Variants in MAD1L1 observed in about 807,000 individuals in gnomAD.
The protein encoded by MAD1L1 is mitotic spindle assembly checkpoint protein MAD1.
A neutral mutation model predicts 96.9 loss-of-function variants in MAD1L1; 95 were observed. The observed-to-expected ratio is 0.98, with a 90% confidence interval of 0.83 to 1.16. The LOEUF (loss-of-function observed/expected upper bound fraction) is 1.16. Among genes scored for constraint, MAD1L1 ranks in the 50% most tolerant of loss-of-function variants. The pLI, the probability that MAD1L1 is intolerant of heterozygous loss-of-function variation, is 0.00. For synonymous variants in MAD1L1, 473 were observed against 396.6 expected (o/e 1.19, Z -2.29); for missense variants, 1,007 against 954.4 (o/e 1.06, Z -0.73).
intron 9 of MAD1L1, among the ~76,000 whole-genome samples, chr7:2,214,185 G>A (rs577832037): frequency 6.6e-6 from 1 of 152,226 alleles, no homozygotes; most frequent in Non-Finnish European, 1.5e-5. Flanking sequence ...GACAGACAGG[G>A]AGATGAAGGA....
chr7:2,150,875 A>C (rs1040007466), intron 10 of MAD1L1, among the ~76,000 whole-genome samples: 4 of 152,226 alleles, frequency 2.6e-5, no homozygotes, highest in African/African-American at 9.6e-5. Context: ...CTGAACATCT[A>C]GTGGGGACAG....
chr7:1,871,836 G>A (rs534406599), intron 18 of MAD1L1, among the ~76,000 whole-genome samples: 13 of 152,288 alleles, frequency 8.5e-5, no homozygotes, highest in African/African-American at 2.4e-4. Context: ...CCAGCAGCTC[G>A]GAGCCCCAGA....
chr7:1,858,931 C>G (rs1029885086), intron 18 of MAD1L1, among the ~76,000 whole-genome samples: 4 of 152,240 alleles, frequency 2.6e-5, no homozygotes, highest in African/African-American at 9.6e-5. Flanking sequence ...TGCAACCCAC[C>G]TGGACCACCA....
intron 18 of MAD1L1, among the ~76,000 whole-genome samples, chr7:1,821,991 AATCAC>A: frequency 6.6e-6 from 1 of 152,254 alleles, no homozygotes; most frequent in South Asian, 2.1e-4. Flanking sequence ...CCTACTCGGA[AATCAC>A]ATGACGGCAC....
intron 13 of MAD1L1, among the ~76,000 whole-genome samples, chr7:2,006,696 C>T (rs773276937): frequency 3.3e-5 from 5 of 152,004 alleles, no homozygotes; most frequent in Admixed American, 1.3e-4. Context: ...TCACTAAACC[C>T]GCACGGCCCA....
intron 12 of MAD1L1, among the ~76,000 whole-genome samples, chr7:2,021,918 G>A (rs190311966): frequency 1.3e-3 from 194 of 152,212 alleles, no homozygotes; most frequent in African/African-American, 4.0e-3. Flanking sequence ...GAAAGACAGA[G>A]CAGAGAAGTA....
chr7:2,070,392 AG>A (rs1163744978), intron 11 of MAD1L1, among the ~76,000 whole-genome samples: 1 of 152,138 alleles, frequency 6.6e-6, no homozygotes, highest in African/African-American at 2.4e-5. Flanking sequence ...CACATGGGAC[AG>A]CCGGGCACAC....
At chr7:2,061,252 G>A (rs539452653) in intron 12 of MAD1L1, among the ~76,000 whole-genome samples, 3 of 152,222 alleles carry the variant, frequency 2.0e-5, no homozygotes, top group Non-Finnish European at 2.9e-5. Context: ...CAGGAGAATT[G>A]CTTGAACCCG....
intron 18 of MAD1L1, among the ~76,000 whole-genome samples, chr7:1,824,108 G>T (rs1782267403): frequency 6.6e-6 from 1 of 152,124 alleles, no homozygotes; most frequent in African/African-American, 2.4e-5. Context: ...CAGGAAAATG[G>T]CAGGTAGTCA....
intron 2 of MAD1L1, 124 bp downstream of exon 2, chr7:2,230,425 C>T (rs1794135928): frequency 2.9e-6 from 1 of 341,680 alleles, no homozygotes; most frequent in South Asian, 3.2e-5. Context: ...GCCCGGGAGG[C>T]GGGGCTCAGC....
chr7:2,145,567 G>A (rs1789255374), intron 11 of MAD1L1, among the ~76,000 whole-genome samples: 1 of 152,248 alleles, frequency 6.6e-6, no homozygotes, highest in African/African-American at 2.4e-5. Flanking sequence ...CTCCAGGCTG[G>A]TTGGTGGCCC....
At chr7:2,068,923 T>G (rs1785001315) in intron 12 of MAD1L1, among the ~76,000 whole-genome samples, 1 of 152,006 alleles carries the variant, frequency 6.6e-6, no homozygotes, top group Admixed American at 6.6e-5. Context: ...GGGAACCCTC[T>G]CCAGAGCTCA....
chr7:2,060,106 C>A (rs568978569), intron 12 of MAD1L1, among the ~76,000 whole-genome samples: 1 of 151,168 alleles, frequency 6.6e-6, no homozygotes, highest in East Asian at 2.0e-4. Context: ...TGCCGAGATA[C>A]GCCGAAGCCA....
chr7:2,062,760 G>A lies in MAD1L1; in HGVS notation c.1218+6434C>T, dbSNP rs140838718. Among the ~76,000 whole-genome samples, 627 of 152,230 alleles carry A rather than the reference G, an allele frequency of 4.1e-3. 5 individuals are homozygous for A. Among genetic ancestry groups the A allele is most frequent in the African/African-American group, 0.014 (576 of 41,544 alleles). ...AGACTACTGAGAACAAGCCTCCCGAGGTGGGGCTGAGCCACACCCACTGTG... is the reference window on the plus strand; with the variant it reads ...AGACTACTGAGAACAAGCCTCCCGAAGTGGGGCTGAGCCACACCCACTGTG... On this transcript the variant is annotated intron_variant, in intron 12 of 18. Transcript: ENST00000265854.
chr7:1,886,872 C>T (rs1358548765), intron 18 of MAD1L1, among the ~76,000 whole-genome samples: 2 of 152,258 alleles, frequency 1.3e-5, no homozygotes, highest in Non-Finnish European at 2.9e-5. Context: ...GCCAGCAGCT[C>T]CCTGGGGACA....
At chr7:2,041,727 G>A (rs1463165341) in intron 12 of MAD1L1, among the ~76,000 whole-genome samples, 1 of 152,186 alleles carries the variant, frequency 6.6e-6, no homozygotes, top group Non-Finnish European at 1.5e-5. Context: ...CATACCATCA[G>A]GTGTCAGGTC....
chr7:2,140,950 G>T (rs1218046840), intron 11 of MAD1L1, among the ~76,000 whole-genome samples: 1 of 152,244 alleles, frequency 6.6e-6, no homozygotes, highest in East Asian at 1.9e-4. Flanking sequence ...ATATGTAAAT[G>T]CCATTTTAAA....
rs1273585513 is a variant in MAD1L1 at position 2,119,803 on chromosome 7, G to A, written c.1073+29349C>T. Reference sequence around the variant, plus strand: ...CAGATGGCAGCCACACACGTCCCACGACAACTGTTCCAGACCCCTAGGCTC... The same window carrying A: ...CAGATGGCAGCCACACACGTCCCACAACAACTGTTCCAGACCCCTAGGCTC... On this transcript the variant is annotated intron_variant, in intron 11 of 18. Transcript: ENST00000265854. This position sits in a 1 kb window ranked among gnomAD's most constrained non-coding sequence, Gnocchi z 4.6. 3.9e-5 allele frequency among the ~76,000 whole-genome samples: 6 copies of A among 152,144 alleles called. No homozygotes were observed. Among genetic ancestry groups the A allele is most frequent in the Non-Finnish European group, 7.4e-5 (5 of 68,010 alleles).
At chr7:1,916,428 G>A (rs1303427314) in intron 17 of MAD1L1, among the ~76,000 whole-genome samples, 1 of 152,192 alleles carries the variant, frequency 6.6e-6, no homozygotes, top group Non-Finnish European at 1.5e-5. Context: ...ACGCTGGGCA[G>A]TACAGAAAGA....
Sources: gnomAD v4.1 joint callset for allele counts (sites outside exome capture counted in the v4.1 genomes callset) on GRCh38, gnomAD v4.1.1 for gene constraint, Gnocchi (gnomAD v3.1) non-coding constraint, MANE v1.5 for transcripts, NCBI Gene and HGNC (gene_info 2026-07-23, HGNC 2026-07-21) for gene names.